DAB1: variants seen among roughly 807,000 people sequenced by gnomAD.
DAB1 encodes DAB adaptor protein 1.
Under a neutral mutation model 64.6 loss-of-function variants are expected in DAB1, and 15 were observed. That is an observed-to-expected ratio of 0.23 (90% CI 0.16 to 0.36). The LOEUF (loss-of-function observed/expected upper bound fraction) is 0.36. DAB1 is among the 10% of genes least tolerant of loss of function. The pLI, the probability that DAB1 is intolerant of heterozygous loss-of-function variation, is 1.00. For missense variants in DAB1, 596 were observed against 706.7 expected (o/e 0.84, Z 1.78); for synonymous variants, 235 against 251.9 (o/e 0.93, Z 0.64).
chr1:58,284,384 A>C (rs1661635464), intron 4 of DAB1, among the ~76,000 whole-genome samples: 1 of 152,220 alleles, frequency 6.6e-6, no homozygotes, highest in Non-Finnish European at 1.5e-5. Flanking sequence ...ACATGAACCC[A>C]CATGGCTTCT....
At position 57,128,640 on chromosome 1, in the gene DAB1, G is replaced by A. The variant is rs562385765; in HGVS notation, c.306+7903C>T. Among the ~76,000 whole-genome samples the A allele has an allele frequency of 1.1e-4, 16 of 152,174 alleles. No individual in the cohort carries two copies. In the South Asian group the frequency reaches 1.7e-3, roughly 16 times the overall value. On this transcript the variant is annotated intron_variant, in intron 4 of 14. Transcript: ENST00000371236. ...TTTTCAGATGGGGAAACAGGGGCCC[G>A]TACAGCAAGCAGATGAGCCATCCCC...
chr1:58,324,209 C>A (rs999095642), intron 4 of DAB1, among the ~76,000 whole-genome samples: 2 of 152,176 alleles, frequency 1.3e-5, no homozygotes, highest in African/African-American at 2.4e-5. Context: ...AGCCTCGCTG[C>A]ATATGCTTCT....
intron 4 of DAB1, among the ~76,000 whole-genome samples, chr1:58,227,915 C>T (rs1459379886): frequency 6.6e-6 from 1 of 152,196 alleles, no homozygotes. Flanking sequence ...GCTGACAACT[C>T]TGTTAACAGC....
At chr1:57,753,259 C>T (rs1648638676) in intron 6 of DAB1, among the ~76,000 whole-genome samples, 1 of 152,160 alleles carries the variant, frequency 6.6e-6, no homozygotes, top group South Asian at 2.1e-4. Context: ...TTATAGGGGT[C>T]GAAGCGCTGA....
At chr1:57,415,089 A>T (rs2101069390) in intron 1 of DAB1, among the ~76,000 whole-genome samples, 1 of 152,318 alleles carries the variant, frequency 6.6e-6, no homozygotes, top group South Asian at 2.1e-4. Context: ...ACTTTTAGGG[A>T]TGTGTCCTGG....
intron 3 of DAB1, among the ~76,000 whole-genome samples, chr1:58,441,054 C>T (rs931664047): frequency 3.3e-5 from 5 of 152,284 alleles, no homozygotes; most frequent in Middle Eastern, 3.4e-3. Context: ...CATTATCTGT[C>T]GGTCGTTGGT....
intron 5 of DAB1, among the ~76,000 whole-genome samples, chr1:58,068,599 A>T (rs1353633367): frequency 4.0e-5 from 6 of 151,868 alleles, no homozygotes; most frequent in Non-Finnish European, 7.4e-5. Context: ...CCCCATCTCT[A>T]CTAATAATAC....
chr1:57,494,612 G>T, intron 7 of DAB1, among the ~76,000 whole-genome samples: 1 of 152,190 alleles, frequency 6.6e-6, no homozygotes, highest in South Asian at 2.1e-4. Flanking sequence ...GGTAAACACA[G>T]CTTGTATAAG....
chr1:57,489,179 T>C (rs765325683), intron 7 of DAB1, among the ~76,000 whole-genome samples: 12 of 152,218 alleles, frequency 7.9e-5, no homozygotes, highest in Admixed American at 6.5e-4. Context: ...TAGGGCATTA[T>C]TGGGAAGAAG....
chr1:57,765,722 A>C (rs1649281099), intron 6 of DAB1, among the ~76,000 whole-genome samples: 1 of 151,448 alleles, frequency 6.6e-6, no homozygotes, highest in Admixed American at 6.6e-5. Flanking sequence ...CATACAGCAC[A>C]CTCTTCACTT....
intron 1 of DAB1, among the ~76,000 whole-genome samples, chr1:58,528,274 T>G (rs1056940580): frequency 2.0e-5 from 3 of 152,184 alleles, no homozygotes; most frequent in Non-Finnish European, 1.5e-5. Flanking sequence ...GAAACTTAAG[T>G]TCAAGTCCAA....
chr1:57,813,893 A>G (rs1651740640), intron 6 of DAB1, among the ~76,000 whole-genome samples: 1 of 152,202 alleles, frequency 6.6e-6, no homozygotes, highest in Admixed American at 6.5e-5. Flanking sequence ...GAAAAATGAA[A>G]GGATCAGCAC....
At chr1:57,179,528 T>C (rs971527483) in intron 2 of DAB1, among the ~76,000 whole-genome samples, 2 of 152,246 alleles carry the variant, frequency 1.3e-5, no homozygotes, top group Non-Finnish European at 2.9e-5. Flanking sequence ...TATCTGTCCC[T>C]GATTTAAATG....
chr1:57,616,043 G>A (rs1175059297), intron 7 of DAB1, among the ~76,000 whole-genome samples: 2 of 152,114 alleles, frequency 1.3e-5, no homozygotes, highest in East Asian at 1.9e-4. Context: ...TGTGTCTGAG[G>A]GAAGGCACTG....
At chr1:58,306,681 C>A (rs762802662) in intron 4 of DAB1, among the ~76,000 whole-genome samples, 8 of 152,176 alleles carry the variant, frequency 5.3e-5, no homozygotes, top group Non-Finnish European at 8.8e-5. Flanking sequence ...AGGATCAATA[C>A]CCCTGCTTCC....
chr1:58,540,920 A>G (rs910242374), intron 1 of DAB1, among the ~76,000 whole-genome samples: 2 of 152,124 alleles, frequency 1.3e-5, no homozygotes, highest in African/African-American at 2.4e-5. Flanking sequence ...AAAGAAACAC[A>G]AAGGAAAAAA....
At chr1:57,118,463 A>C (rs1042382472) in intron 4 of DAB1, among the ~76,000 whole-genome samples, 9 of 152,160 alleles carry the variant, frequency 5.9e-5, no homozygotes, top group African/African-American at 2.2e-4. Flanking sequence ...CACCTCCCTC[A>C]GCTTAAAACA....
At chr1:58,393,307 C>A (rs149701268) in intron 3 of DAB1, among the ~76,000 whole-genome samples, 188 of 152,010 alleles carry the variant, frequency 1.2e-3, no homozygotes, top group African/African-American at 4.5e-3. Flanking sequence ...CAAGTTAATG[C>A]CCAAAGAGTA....
intron 5 of DAB1, among the ~76,000 whole-genome samples, chr1:57,915,510 G>A (rs1644713098): frequency 6.6e-6 from 1 of 152,028 alleles, no homozygotes; most frequent in Non-Finnish European, 1.5e-5. Flanking sequence ...TTTGGCAGCT[G>A]GTAAGCCATT....
Sources: allele counts gnomAD v4.1 joint callset (sites outside exome capture counted in the v4.1 genomes callset), GRCh38; gene constraint gnomAD v4.1.1; transcripts MANE v1.5; gene names NCBI Gene and HGNC (gene_info 2026-07-23, HGNC 2026-07-21).